RNLS: variants seen among roughly 807,000 people sequenced by gnomAD.
RNLS encodes the protein renalase.
RNLS carries 39 observed loss-of-function variants against 39.8 expected under a neutral mutation model. That is an observed-to-expected ratio of 0.98 (90% CI 0.76 to 1.28). The LOEUF (loss-of-function observed/expected upper bound fraction) is 1.28. Among genes scored for constraint, RNLS ranks in the 50% most tolerant of loss-of-function variants. The pLI, the probability that RNLS is intolerant of heterozygous loss-of-function variation, is 0.00. For synonymous variants in RNLS, 147 were observed against 150.7 expected, an observed-to-expected ratio of 0.98 and a Z score of 0.18; for missense variants, 410 against 413.3, an observed-to-expected ratio of 0.99 and a Z score of 0.07.
the RNLS span, among the ~76,000 whole-genome samples, chr10:88,217,984 G>A: frequency 6.6e-6 from 1 of 152,050 alleles, no homozygotes. Flanking sequence ...AGGTTGCAGT[G>A]AGCCGAGATC....
chr10:88,475,289 A>T lies in RNLS; in HGVS notation c.526+97614T>A, dbSNP rs553698768. Among the ~76,000 whole-genome samples, 15 of 152,140 alleles carry T rather than the reference A, an allele frequency of 9.9e-5. 1 individual carries two copies. The highest frequency in any genetic ancestry group is 1.3e-4 in the Non-Finnish European group (9 of 68,020). The stretch of plus-strand genomic sequence containing the variant: ...GGCCAGCAACCAACCGAGCCGCTTT[A>T]ATGTTATCAAACTCAAGAGAAAGGC... On this transcript the variant is annotated intron_variant, in intron 4 of 6. Coordinates refer to ENST00000331772, the MANE Select transcript of RNLS (RefSeq NM_001031709.3).
intron 4 of RNLS, among the ~76,000 whole-genome samples, chr10:88,476,417 G>A (rs936996353): frequency 6.6e-6 from 1 of 152,014 alleles, no homozygotes; most frequent in East Asian, 1.9e-4. Flanking sequence ...GATGGGCACT[G>A]GTCCATGGAC....
intron 5 of RNLS, among the ~76,000 whole-genome samples, chr10:88,338,198 G>C (rs1847651542): frequency 6.6e-6 from 1 of 152,182 alleles, no homozygotes; most frequent in Admixed American, 6.5e-5. Context: ...TGTGTCTTTA[G>C]AGAAGAGACT....
intron 4 of RNLS, among the ~76,000 whole-genome samples, chr10:88,431,264 T>C (rs1467295121): frequency 6.6e-6 from 1 of 151,688 alleles, no homozygotes; most frequent in African/African-American, 2.4e-5. Flanking sequence ...GCATAAGCTG[T>C]TCACAATATT....
intron 6 of RNLS, among the ~76,000 whole-genome samples, chr10:88,304,595 G>A (rs547296556): frequency 5.3e-5 from 8 of 152,236 alleles, no homozygotes; most frequent in Non-Finnish European, 1.2e-4. Flanking sequence ...GAATCTCGGC[G>A]CTTAAAGACT....
intron 4 of RNLS, among the ~76,000 whole-genome samples, chr10:88,438,096 A>G (rs913660061): frequency 6.7e-6 from 1 of 149,714 alleles, no homozygotes; most frequent in Admixed American, 6.7e-5. Flanking sequence ...ACTGCACTCC[A>G]GCCTGGGCAA....
chr10:88,540,071 G>T (rs908472156), intron 4 of RNLS, among the ~76,000 whole-genome samples: 1 of 152,082 alleles, frequency 6.6e-6, no homozygotes, highest in African/African-American at 2.4e-5. Flanking sequence ...TTTTCGAAAT[G>T]TATGTATTTT....
chr10:88,456,968 C>T (rs935202337), intron 4 of RNLS, among the ~76,000 whole-genome samples: 4 of 152,148 alleles, frequency 2.6e-5, no homozygotes, highest in African/African-American at 9.7e-5. Context: ...AGGATTTATA[C>T]AGCATAAACC....
chr10:88,505,533 AAG>A (rs1296139305), intron 4 of RNLS, among the ~76,000 whole-genome samples: 9 of 152,026 alleles, frequency 5.9e-5, no homozygotes, highest in African/African-American at 2.2e-4. Context: ...GGATTCAAGG[AAG>A]AGAGAGGAGA....
At chr10:88,279,054 A>G (rs1320427330) in intron 6 of RNLS, among the ~76,000 whole-genome samples, 1 of 152,214 alleles carries the variant, frequency 6.6e-6, no homozygotes, top group Non-Finnish European at 1.5e-5. Flanking sequence ...GGTAAGTATC[A>G]CAAGAGTGGG....
chr10:88,518,131 T>G (rs1004811153), intron 4 of RNLS, among the ~76,000 whole-genome samples: 1 of 151,920 alleles, frequency 6.6e-6, no homozygotes, highest in African/African-American at 2.4e-5. Context: ...ACTAGTCTTT[T>G]TGTCTTTAAT....
the RNLS span, among the ~76,000 whole-genome samples, chr10:88,255,833 C>G: frequency 6.6e-6 from 1 of 152,222 alleles, no homozygotes; most frequent in African/African-American, 2.4e-5. Context: ...ACTGGTCTCA[C>G]AGTTTCCCCC....
intron 4 of RNLS, among the ~76,000 whole-genome samples, chr10:88,554,174 C>CA (rs538631536): frequency 0.027 from 3,741 of 136,626 alleles, 138 homozygotes; most frequent in South Asian, 0.084. Flanking sequence ...TAGTTTGATC[C>CA]AAAAAAAAAA....
the RNLS span, among the ~76,000 whole-genome samples, chr10:88,255,357 A>G: frequency 6.6e-6 from 1 of 152,194 alleles, no homozygotes; most frequent in Non-Finnish European, 1.5e-5. Context: ...AATCCCGGGA[A>G]TACAGGACAA....
At chr10:88,216,495 C>T in the RNLS span, among the ~76,000 whole-genome samples, 2 of 152,180 alleles carry the variant, frequency 1.3e-5, no homozygotes, top group Non-Finnish European at 2.9e-5. Context: ...AATCTATCAG[C>T]TTTCAAACCT....
At chr10:88,423,302 CA>C (rs1458918843) in intron 4 of RNLS, among the ~76,000 whole-genome samples, 2 of 152,290 alleles carry the variant, frequency 1.3e-5, no homozygotes, top group Non-Finnish European at 1.5e-5. Flanking sequence ...TACAACCTGT[CA>C]GCATTTTCCA....
chr10:88,222,211 T>C, the RNLS span, among the ~76,000 whole-genome samples: 17 of 152,310 alleles, frequency 1.1e-4, 1 homozygote, highest in East Asian at 3.9e-4. Flanking sequence ...TCTGGTCAGC[T>C]TGGCTCGTCC....
chr10:88,335,340 C>T (rs745954614), intron 5 of RNLS, among the ~76,000 whole-genome samples: 6 of 152,070 alleles, frequency 3.9e-5, no homozygotes, highest in Non-Finnish European at 8.8e-5. Flanking sequence ...ACCTCAGCCT[C>T]TCAAGTAGCT....
At chr10:88,323,935 A>T (rs2133110795) in intron 5 of RNLS, among the ~76,000 whole-genome samples, 1 of 152,318 alleles carries the variant, frequency 6.6e-6, no homozygotes. Flanking sequence ...ATGAACAGAT[A>T]CTTCTCAAAA....
Sources: allele counts gnomAD v4.1 joint callset (sites outside exome capture counted in the v4.1 genomes callset), GRCh38; gene constraint gnomAD v4.1.1; transcripts MANE v1.5; gene names NCBI Gene and HGNC (gene_info 2026-07-23, HGNC 2026-07-21).